GLI3: variants seen among roughly 807,000 people sequenced by gnomAD.
GLI3 encodes GLI family zinc finger 3.
In GLI3, 20 loss-of-function variants were observed where a neutral mutation model predicts 100.8. That is an observed-to-expected ratio of 0.20 (90% CI 0.14 to 0.29). The LOEUF (loss-of-function observed/expected upper bound fraction) is 0.29. GLI3 is among the 10% of genes least tolerant of loss of function. GLI3 has a pLI of 1.00. For synonymous variants in GLI3, 938 were observed against 860.5 expected (o/e 1.09, Z -1.58); for missense variants, 2,040 against 2,128.5 (o/e 0.96, Z 0.82).
chr7:42,174,730 C>T (rs920865148), intron 2 of GLI3, among the ~76,000 whole-genome samples: 3 of 152,166 alleles, frequency 2.0e-5, no homozygotes, highest in African/African-American at 4.8e-5. Flanking sequence ...GTTCATCAAC[C>T]GCCCCCCAGG....
rs74548393 is a variant in GLI3 at position 42,028,845 on chromosome 7, G to A, written c.1029-2433C>T. On this transcript the variant is annotated intron_variant, in intron 7 of 14. Transcript: ENST00000395925. ...AGATGTAGGAGATATCCTTACAAAA[G>A]ATAAGACTCAGCATTCCCACCGCAG... Among the ~76,000 whole-genome samples the A allele has an allele frequency of 3.0e-3, 462 of 152,008 alleles. 3 individuals carry two copies. The highest frequency in any genetic ancestry group is 0.011 in the African/African-American group (451 of 41,476).
At position 42,213,237 on chromosome 7, in the gene GLI3, G is replaced by A. The variant is rs150452970; in HGVS notation, c.124+9893C>T. ...AAATAAAATTTTACTTAATAAAACT[G>A]CCAGCTACTCTACATTGGCCAAGAA... is the stretch of plus-strand genomic sequence containing the variant. On this transcript the variant is annotated intron_variant, in intron 2 of 14. Transcript: ENST00000395925. 3.3e-3 allele frequency among the ~76,000 whole-genome samples: 507 copies of A among 152,258 alleles called. 3 individuals are homozygous for A. Among genetic ancestry groups the A allele is most frequent in the African/African-American group, 0.012 (479 of 41,544 alleles).
At chr7:42,018,130 A>G (rs983032300) in intron 10 of GLI3, among the ~76,000 whole-genome samples, 1 of 152,132 alleles carries the variant, frequency 6.6e-6, no homozygotes, top group Admixed American at 6.6e-5. Flanking sequence ...TGATCTCCTG[A>G]GTGTCTCTTT....
At chr7:42,144,753 T>C (rs1314289186) in intron 3 of GLI3, among the ~76,000 whole-genome samples, 2 of 152,082 alleles carry the variant, frequency 1.3e-5, no homozygotes, top group African/African-American at 2.4e-5. Flanking sequence ...AAAGTTCATA[T>C]ATATAGAAAC....
At chr7:42,007,941 A>G (rs1445482461) in intron 10 of GLI3, among the ~76,000 whole-genome samples, 1 of 152,214 alleles carries the variant, frequency 6.6e-6, no homozygotes, top group Non-Finnish European at 1.5e-5. Flanking sequence ...CTTGACCTAG[A>G]TGGAGAGGAA....
chr7:42,055,229 CT>C (rs1306365523), intron 4 of GLI3, among the ~76,000 whole-genome samples: 2 of 151,748 alleles, frequency 1.3e-5, no homozygotes, highest in Admixed American at 1.3e-4. Context: ...CAATCCTATA[CT>C]TTTTTTTCCC....
In GLI3 at chr7:41,966,408, C is replaced by T. The variant is rs1296035859; in HGVS notation, c.2665G>A (p.Val889Met). ...ASQAEGRPQN[V>M]SVADSYDPIS... ...GGGTCGTAGGAGTCGGCCACGCTCA[C>T]GTTCTGCGGCCGGCCCTCGGCCTGT... The change falls in exon 15 of 15, where the codon GTG (valine) becomes ATG (methionine). Residue 889 changes from valine (V) to methionine (M), a missense_variant. By Grantham distance (21) the Val-to-Met change is conservative. Transcript: ENST00000395925. The surrounding 1 kb of genome is among the most constrained non-coding windows in gnomAD (Gnocchi z 5.8). 1.2e-6 allele frequency: 2 copies of T among 1,611,396 alleles called. No individual in the cohort carries two copies. The highest frequency in any genetic ancestry group is 1.7e-5 in the Admixed American group (1 of 59,942).
At chr7:42,076,987 T>C in intron 3 of GLI3, 130 bp from the exon 4 acceptor site, 1 of 717,394 alleles carries the variant, frequency 1.4e-6, no homozygotes, top group Non-Finnish European at 2.5e-6. Flanking sequence ...GTAAAAGAAC[T>C]CTTTAAGGTT....
Position 41,996,737 on chromosome 7 carries a change from A to G in GLI3, c.1498-17989T>C, listed in dbSNP as rs142970879. Among the ~76,000 whole-genome samples the G allele has an allele frequency of 7.3e-4, 111 of 152,350 alleles. 1 individual carries two copies. Among genetic ancestry groups the G allele is most frequent in the African/African-American group, 2.5e-3 (104 of 41,580 alleles). On this transcript the variant is annotated intron_variant, in intron 10 of 14. Transcript: ENST00000395925. ...ATATAATATGATACAAGGAAGGTAA[A>G]TGCAGCTTGCTTTTCAGCCTTAAAG...
chr7:42,219,680 A>G (rs1788443780), intron 2 of GLI3, among the ~76,000 whole-genome samples: 1 of 152,214 alleles, frequency 6.6e-6, no homozygotes, highest in Admixed American at 6.5e-5. Flanking sequence ...TGGGAAGCTC[A>G]CAATGAAGAA....
chr7:42,244,581 T>A (rs1271633848), intron 1 of GLI3, among the ~76,000 whole-genome samples: 1 of 152,166 alleles, frequency 6.6e-6, no homozygotes, highest in Non-Finnish European at 1.5e-5. Flanking sequence ...AAGTGGAGAA[T>A]TGAGTAAATT....
At chr7:42,232,170 T>G (rs1788707261) in intron 1 of GLI3, among the ~76,000 whole-genome samples, 1 of 152,092 alleles carries the variant, frequency 6.6e-6, no homozygotes, top group Non-Finnish European at 1.5e-5. Flanking sequence ...TCTAGCTGTT[T>G]CAGGCCAGCA....
At chr7:42,065,405 G>A (rs1420425568) in intron 4 of GLI3, among the ~76,000 whole-genome samples, 1 of 151,812 alleles carries the variant, frequency 6.6e-6, no homozygotes, top group Non-Finnish European at 1.5e-5. Flanking sequence ...TTGCTTTTAA[G>A]ACAGCTGAAT....
chr7:42,023,441 C>T, intron 10 of GLI3, 27 bp downstream of exon 10: 1 of 1,613,518 alleles, frequency 6.2e-7, no homozygotes, highest in Non-Finnish European at 8.5e-7. Flanking sequence ...AGCTGTAAAG[C>T]TCGGTTCCTG....
At chr7:42,237,360 GAGAA>G (rs925132957), upstream of GLI3, among the ~76,000 whole-genome samples, 17 of 152,100 alleles carry the variant, frequency 1.1e-4, no homozygotes, top group South Asian at 2.1e-4. Flanking sequence ...GGAGGGGAAA[GAGAA>G]AGAAAGAAAC....
intron 1 of GLI3, among the ~76,000 whole-genome samples, chr7:42,253,977 T>C (rs1789059425): frequency 6.6e-6 from 1 of 152,148 alleles, no homozygotes; most frequent in Non-Finnish European, 1.5e-5. Context: ...CCCAGCGCTC[T>C]GGGAGGCCGA....
At chr7:42,193,718 A>G (rs1426716880) in intron 2 of GLI3, among the ~76,000 whole-genome samples, 1 of 152,204 alleles carries the variant, frequency 6.6e-6, no homozygotes, top group East Asian at 1.9e-4. Context: ...TTTCCTGGAT[A>G]TAAATCAAAC....
intron 2 of GLI3, among the ~76,000 whole-genome samples, chr7:42,164,356 C>T (rs1787195385): frequency 6.6e-6 from 1 of 151,804 alleles, no homozygotes; most frequent in South Asian, 2.1e-4. Flanking sequence ...CCTATCTCTA[C>T]ACAACATGCA....
chr7:42,095,583 G>C (rs1246192852), intron 3 of GLI3, among the ~76,000 whole-genome samples: 1 of 152,140 alleles, frequency 6.6e-6, no homozygotes, highest in Non-Finnish European at 1.5e-5. Context: ...ACAGGAGATG[G>C]GTGAGAAGAG....
Sources: gnomAD v4.1 joint callset for allele counts (sites outside exome capture counted in the v4.1 genomes callset) on GRCh38, gnomAD v4.1.1 for gene constraint, Gnocchi (gnomAD v3.1) non-coding constraint, MANE v1.5 for transcripts, NCBI Gene and HGNC (gene_info 2026-07-23, HGNC 2026-07-21) for gene names.